Variants in CNTNAP2 observed in about 807,000 individuals in gnomAD.
The protein encoded by CNTNAP2 is contactin associated protein 2, also known as contactin-associated protein-like 2.
CNTNAP2 carries 98 observed loss-of-function variants against 155.2 expected under a neutral mutation model. The observed-to-expected ratio is 0.63, with a 90% CI of 0.54 to 0.75. The LOEUF is 0.75. CNTNAP2 is among the 30% of genes least tolerant of loss of function. The pLI is 0.00. For missense variants in CNTNAP2, 1,727 were observed against 1,688.1 expected (o/e 1.02, Z -0.40); for synonymous variants, 651 against 631.2 (o/e 1.03, Z -0.47).
At chr7:146,141,884 C>T (rs1797886184) in intron 1 of CNTNAP2, among the ~76,000 whole-genome samples, 1 of 152,012 alleles carries the variant, frequency 6.6e-6, no homozygotes, top group South Asian at 2.1e-4. Flanking sequence ...TTATTAAAGA[C>T]TCATAGCCTT....
chr7:146,830,310 G>T (rs1029215837), intron 2 of CNTNAP2, among the ~76,000 whole-genome samples: 1 of 152,010 alleles, frequency 6.6e-6, no homozygotes, highest in South Asian at 2.1e-4. Flanking sequence ...TTTATTGTGG[G>T]GGAAAAGGAC....
intron 4 of CNTNAP2, among the ~76,000 whole-genome samples, chr7:147,099,643 CAAT>C (rs1220470745): frequency 6.6e-6 from 1 of 151,998 alleles, no homozygotes; most frequent in Admixed American, 6.6e-5. Flanking sequence ...AGAACACTGA[CAAT>C]GATATTTTAA....
At chr7:146,862,586 G>T (rs1795124810) in intron 3 of CNTNAP2, among the ~76,000 whole-genome samples, 1 of 152,154 alleles carries the variant, frequency 6.6e-6, no homozygotes, top group Admixed American at 6.5e-5. Context: ...CTATTTGAAT[G>T]TGTACCCTGG....
intron 3 of CNTNAP2, among the ~76,000 whole-genome samples, chr7:146,882,088 A>T (rs1197816711): frequency 6.6e-6 from 1 of 151,982 alleles, no homozygotes; most frequent in Non-Finnish European, 1.5e-5. Flanking sequence ...TCCCGCATTA[A>T]TTAGCTTAGG....
intron 12 of CNTNAP2, among the ~76,000 whole-genome samples, chr7:147,564,590 AAATTC>A (rs1800129902): frequency 6.6e-6 from 1 of 152,162 alleles, no homozygotes; most frequent in Admixed American, 6.5e-5. Flanking sequence ...TTATTTTCTT[AAATTC>A]ATCTCAAAGG....
intron 1 of CNTNAP2, among the ~76,000 whole-genome samples, chr7:146,508,977 G>T (rs756404436): frequency 6.6e-6 from 1 of 152,100 alleles, no homozygotes; most frequent in Non-Finnish European, 1.5e-5. Flanking sequence ...GCTTCCCCGA[G>T]GGCTGCCATG....
intron 21 of CNTNAP2, among the ~76,000 whole-genome samples, chr7:148,357,549 C>T (rs943781964): frequency 6.6e-6 from 1 of 152,172 alleles, no homozygotes; most frequent in African/African-American, 2.4e-5. Context: ...ACAGGCTTCC[C>T]TTGATCCTGT....
chr7:147,260,280 T>C (rs1213852079), intron 8 of CNTNAP2, among the ~76,000 whole-genome samples: 1 of 152,196 alleles, frequency 6.6e-6, no homozygotes, highest in Non-Finnish European at 1.5e-5. Flanking sequence ...TTCTTTAGCA[T>C]GGTTCAGGTG....
intron 1 of CNTNAP2, among the ~76,000 whole-genome samples, chr7:146,627,648 A>G (rs1365660409): frequency 6.6e-6 from 1 of 152,120 alleles, no homozygotes; most frequent in Non-Finnish European, 1.5e-5. Context: ...TTATGTAATG[A>G]CCTTCACAGT....
chr7:146,971,449 A>G (rs1469143422), intron 3 of CNTNAP2, among the ~76,000 whole-genome samples: 7 of 152,212 alleles, frequency 4.6e-5, no homozygotes, highest in Admixed American at 6.5e-5. Context: ...AGAAAAATGC[A>G]GAGGAAATAG....
intron 21 of CNTNAP2, among the ~76,000 whole-genome samples, chr7:148,372,538 T>A (rs1454601159): frequency 6.6e-6 from 1 of 152,034 alleles, no homozygotes; most frequent in Non-Finnish European, 1.5e-5. Context: ...TGAAACCCCG[T>A]CTCTACTAAA....
intron 1 of CNTNAP2, among the ~76,000 whole-genome samples, chr7:146,158,869 C>G (rs1293050112): frequency 6.6e-6 from 1 of 152,130 alleles, no homozygotes; most frequent in East Asian, 1.9e-4. Flanking sequence ...GGCCAACATT[C>G]AACTTCAGGA....
chr7:148,150,863 TC>T (rs1164550396), intron 17 of CNTNAP2, among the ~76,000 whole-genome samples: 1 of 151,688 alleles, frequency 6.6e-6, no homozygotes, highest in Non-Finnish European at 1.5e-5. Flanking sequence ...CCCACCTCAG[TC>T]CCCAAGTCGC....
At chr7:146,863,172 A>G (rs1214309443) in intron 3 of CNTNAP2, among the ~76,000 whole-genome samples, 1 of 152,166 alleles carries the variant, frequency 6.6e-6, no homozygotes, top group South Asian at 2.1e-4. Flanking sequence ...GTGACAAAAA[A>G]TTTTTCATAT....
At position 148,420,097 on chromosome 7, in the gene CNTNAP2, T is replaced by C. The variant is rs147749917; in HGVS notation, c.*4481T>C. ...CTGGCATGGCTCTACAGCTGCTCAG[T>C]TATTAATCATGCAGACTAACCTGTC... On this transcript the variant is annotated 3_prime_UTR_variant, in exon 24 of 24. Coordinates refer to ENST00000361727, the MANE Select transcript of CNTNAP2 (RefSeq NM_014141.6). 6.6e-6 allele frequency: 1 copy of C among 152,212 alleles called. No individual in the cohort carries two copies. The highest frequency in any genetic ancestry group is 2.4e-5 in the African/African-American group (1 of 41,450). The allele number at this position is 152,212 out of a possible 1,614,324, so 9.4% of individuals were successfully genotyped here.
intron 1 of CNTNAP2, among the ~76,000 whole-genome samples, chr7:146,754,783 C>G (rs1464710253): frequency 6.6e-6 from 1 of 151,010 alleles, no homozygotes; most frequent in African/African-American, 2.5e-5. Context: ...GAAATAAATA[C>G]TTTTTAGGTG....
intron 13 of CNTNAP2, among the ~76,000 whole-genome samples, chr7:147,739,989 C>T (rs1429482688): frequency 1.3e-5 from 2 of 152,270 alleles, no homozygotes; most frequent in African/African-American, 2.4e-5. Flanking sequence ...ACAGCTTTCT[C>T]TGCCCACAAC....
At chr7:146,206,854 A>G (rs112058162) in intron 1 of CNTNAP2, among the ~76,000 whole-genome samples, 8 of 152,130 alleles carry the variant, frequency 5.3e-5, no homozygotes, top group African/African-American at 1.9e-4. Flanking sequence ...TTAAATGTTT[A>G]CATTTCTCTC....
intron 1 of CNTNAP2, among the ~76,000 whole-genome samples, chr7:146,268,769 A>T (rs934030286): frequency 6.6e-6 from 1 of 152,194 alleles, no homozygotes; most frequent in Non-Finnish European, 1.5e-5. Flanking sequence ...AAGGTAAATT[A>T]ATATTTTACC....
Sources: gnomAD v4.1 joint callset for allele counts (sites outside exome capture counted in the v4.1 genomes callset) on GRCh38, gnomAD v4.1.1 for gene constraint, MANE v1.5 for transcripts, NCBI Gene and HGNC (gene_info 2026-07-23, HGNC 2026-07-21) for gene names.